Variants in SEMA6D observed in about 807,000 individuals in gnomAD.
SEMA6D encodes semaphorin-6D.
A neutral mutation model predicts 106.6 loss-of-function variants in SEMA6D; 35 were observed. The observed-to-expected ratio is 0.33, with a 90% CI of 0.25 to 0.44. SEMA6D has a LOEUF of 0.44. SEMA6D is among the 20% of genes least tolerant of loss of function. The pLI, the probability that SEMA6D is intolerant of heterozygous loss-of-function variation, is 1.00. For synonymous variants in SEMA6D, 499 were observed against 487.7 expected, an observed-to-expected ratio of 1.02 and a Z score of -0.31; for missense variants, 1,185 against 1,345.9, an observed-to-expected ratio of 0.88 and a Z score of 1.87.
chr15:47,357,829 TTTA>T (rs1214593407), intron 1 of SEMA6D, among the ~76,000 whole-genome samples: 1 of 152,170 alleles, frequency 6.6e-6, no homozygotes, highest in African/African-American at 2.4e-5. Context: ...ATCACAGCCA[TTTA>T]TTATGTTTAC....
chr15:47,297,381 T>C (rs2035845684), intron 1 of SEMA6D, among the ~76,000 whole-genome samples: 3 of 152,176 alleles, frequency 2.0e-5, no homozygotes, highest in Admixed American at 2.0e-4. Context: ...CACTCGTCAG[T>C]TTGTCTAGCC....
intron 15 of SEMA6D, 49 bp from the exon 16 acceptor site, chr15:47,766,567 T>A: frequency 6.3e-7 from 1 of 1,588,544 alleles, no homozygotes; most frequent in Non-Finnish European, 8.6e-7. Context: ...TCACTTGTGT[T>A]CCTATGAAGG....
At chr15:47,282,439 A>T (rs2035169341) in intron 1 of SEMA6D, among the ~76,000 whole-genome samples, 1 of 152,146 alleles carries the variant, frequency 6.6e-6, no homozygotes, top group South Asian at 2.1e-4. Context: ...ATTATATTTT[A>T]ACACAAGTTA....
chr15:47,685,202 T>C (rs2078443367), intron 4 of SEMA6D, among the ~76,000 whole-genome samples: 1 of 152,236 alleles, frequency 6.6e-6, no homozygotes, highest in Non-Finnish European at 1.5e-5. Context: ...TGAAGAGTCA[T>C]ATTTTATCCT....
At chr15:47,601,118 A>AAGAG (rs893584934) in intron 4 of SEMA6D, among the ~76,000 whole-genome samples, 2 of 148,422 alleles carry the variant, frequency 1.3e-5, no homozygotes, top group East Asian at 1.9e-4. Context: ...GAGAGAGAGA[A>AAGAG]AGAGAGAGAG....
intron 3 of SEMA6D, chr15:47,581,448 G>A (rs535409709): frequency 4.3e-6 from 2 of 460,652 alleles, no homozygotes; most frequent in East Asian, 7.3e-5. Context: ...GAAAGTACCT[G>A]GATGGAGTGG....
At chr15:47,318,066 A>G (rs1412939389) in intron 1 of SEMA6D, among the ~76,000 whole-genome samples, 1 of 100,944 alleles carries the variant, frequency 9.9e-6, no homozygotes, top group Non-Finnish European at 2.3e-5. Context: ...TCTTTATTTT[A>G]ATATTTACTT....
chr15:47,724,858 C>T lies in SEMA6D; in HGVS notation c.-55+7166C>T, dbSNP rs1010799004. Among the ~76,000 whole-genome samples, 3 of 152,246 alleles carry T rather than the reference C, an allele frequency of 2.0e-5. No homozygotes were observed. The East Asian group carries it at 5.8e-4, about 29-fold the overall frequency. On this transcript the variant is annotated intron_variant, in intron 1 of 18. Coordinates refer to ENST00000536845, the MANE Select transcript of SEMA6D (RefSeq NM_001358351.3). The stretch of plus-strand genomic sequence containing the variant: ...CTTGTGGCAATTCACTAGATTGCTC[C>T]GTGATCAGGACTAAAACCCGCACAT...
chr15:47,765,586 A>G, intron 13 of SEMA6D: 1 of 546,754 alleles, frequency 1.8e-6, no homozygotes, highest in Non-Finnish European at 2.6e-6. Context: ...TTAAAGCACG[A>G]TCCTTTTTAT....
At chr15:47,611,509 A>G (rs1261325348) in intron 4 of SEMA6D, among the ~76,000 whole-genome samples, 1 of 152,236 alleles carries the variant, frequency 6.6e-6, no homozygotes, top group Non-Finnish European at 1.5e-5. Context: ...GTGTGTTTAT[A>G]TGTACAAAGT....
At chr15:47,374,901 A>G (rs2039397595) in intron 1 of SEMA6D, among the ~76,000 whole-genome samples, 1 of 152,190 alleles carries the variant, frequency 6.6e-6, no homozygotes, top group African/African-American at 2.4e-5. Context: ...ATCAAATGAA[A>G]GGCTAGTTTC....
chr15:47,241,563 A>G (rs1443694558), intron 1 of SEMA6D, among the ~76,000 whole-genome samples: 1 of 151,970 alleles, frequency 6.6e-6, no homozygotes, highest in Non-Finnish European at 1.5e-5. Context: ...TTCCAAATAC[A>G]TTCTAAGGCC....
intron 1 of SEMA6D, among the ~76,000 whole-genome samples, chr15:47,390,557 C>T (rs889418446): frequency 7.5e-6 from 1 of 133,406 alleles, no homozygotes; most frequent in African/African-American, 3.5e-5. Flanking sequence ...CACCTTGAAC[C>T]AGCCTCACCG....
intron 3 of SEMA6D, among the ~76,000 whole-genome samples, chr15:47,493,060 AAAAGCTTGTCAGCAG>A (rs1567118398): frequency 6.6e-6 from 1 of 151,986 alleles, no homozygotes; most frequent in African/African-American, 2.4e-5. Flanking sequence ...TTTCAAATCA[AAAAGCTTGTCAGCAG>A]AACAGGAATT....
intron 4 of SEMA6D, among the ~76,000 whole-genome samples, chr15:47,674,088 C>T (rs1190149955): frequency 6.6e-6 from 1 of 152,168 alleles, no homozygotes; most frequent in Non-Finnish European, 1.5e-5. Context: ...CGTGTCTCAA[C>T]ACAAAACCAG....
At position 47,770,592 on chromosome 15, in the gene SEMA6D, T is replaced by G. The variant is rs1473145836; in HGVS notation, c.2029T>G (p.Phe677Val). The change falls in exon 19 of 19, where the codon TTC becomes GTC. Residue 677 changes from phenylalanine to valine, a missense_variant. Physicochemically the swap from Phe to Val is conservative, Grantham distance 50. Transcript: ENST00000536845. ...CTTTGCTGCTTTTGTTTTGGGGGCA[T>G]TCATTGCAGGTGTGGCAGTATACTG... ...CVFAAFVLGA[F>V]IAGVAVYCYR... The G allele has an allele frequency of 6.2e-7, 1 of 1,614,036 alleles. No homozygotes were observed. Among genetic ancestry groups the G allele is most frequent in the East Asian group, 2.2e-5 (1 of 44,872 alleles).
intron 2 of SEMA6D, among the ~76,000 whole-genome samples, chr15:47,420,639 T>C (rs917547848): frequency 1.3e-5 from 2 of 152,154 alleles, no homozygotes; most frequent in African/African-American, 2.4e-5. Flanking sequence ...AGAACTGTTG[T>C]TGAGTCATAA....
intron 1 of SEMA6D, among the ~76,000 whole-genome samples, chr15:47,312,791 G>A (rs28433693): frequency 0.012 from 1,778 of 152,020 alleles, 44 homozygotes; most frequent in African/African-American, 0.041. Flanking sequence ...AAAATTATTA[G>A]TGTGATATTT....
intron 3 of SEMA6D, among the ~76,000 whole-genome samples, chr15:47,514,000 CTG>C (rs1429033164): frequency 6.6e-6 from 1 of 152,194 alleles, no homozygotes; most frequent in African/African-American, 2.4e-5. Context: ...GCCATAGAAA[CTG>C]AGATTCTAGA....
Sources: allele counts gnomAD v4.1 joint callset (sites outside exome capture counted in the v4.1 genomes callset), GRCh38; gene constraint gnomAD v4.1.1; transcripts MANE v1.5; gene names NCBI Gene and HGNC (gene_info 2026-07-23, HGNC 2026-07-21).